Variants in LTBP1 observed in about 807,000 individuals in gnomAD.
LTBP1 encodes the protein latent-transforming growth factor beta-binding protein 1.
In LTBP1, 129 loss-of-function variants were observed where a neutral mutation model predicts 207.6. The observed-to-expected ratio is 0.62, with a 90% CI of 0.54 to 0.72. The LOEUF (loss-of-function observed/expected upper bound fraction) is 0.72, where lower values mean the gene tolerates loss of function less well. Among genes scored for constraint, LTBP1 ranks in the 30% least tolerant of loss-of-function variants. The pLI is 0.00. For synonymous variants in LTBP1, 963 were observed against 833.7 expected (o/e 1.16, Z -2.67); for missense variants, 2,281 against 2,217.2 (o/e 1.03, Z -0.58).
chr2:33,349,048 T>G (rs2094743414), intron 26 of LTBP1, among the ~76,000 whole-genome samples: 1 of 152,194 alleles, frequency 6.6e-6, no homozygotes, highest in Non-Finnish European at 1.5e-5. Flanking sequence ...AAGCCTTCTG[T>G]CTGATTTCAT....
intron 4 of LTBP1, among the ~76,000 whole-genome samples, chr2:33,125,553 C>T (rs1397046561): frequency 6.6e-6 from 1 of 152,060 alleles, no homozygotes; most frequent in African/African-American, 2.4e-5. Flanking sequence ...TCCAAACTGG[C>T]CGGGCACGGT....
At chr2:33,202,562 A>T (rs1449399508) in intron 7 of LTBP1, among the ~76,000 whole-genome samples, 1 of 152,236 alleles carries the variant, frequency 6.6e-6, no homozygotes, top group Non-Finnish European at 1.5e-5. Flanking sequence ...ATCCTGACAG[A>T]AGTAATGCCA....
At chr2:33,281,742 T>A (rs2093563058) in intron 19 of LTBP1, among the ~76,000 whole-genome samples, 2 of 152,186 alleles carry the variant, frequency 1.3e-5, no homozygotes, top group South Asian at 4.1e-4. Context: ...AGATTTTTAT[T>A]CATTAGTTTT....
At chr2:33,182,697 TATACACAC>T (rs752365902) in intron 5 of LTBP1, among the ~76,000 whole-genome samples, 4,132 of 87,868 alleles carry the variant, frequency 0.047, 880 homozygotes, top group Middle Eastern at 0.17. Flanking sequence ...GATATATATA[TATACACAC>T]ACACACACAC....
intron 3 of LTBP1, among the ~76,000 whole-genome samples, chr2:33,085,169 G>A (rs1354809894): frequency 2.6e-5 from 4 of 152,108 alleles, no homozygotes; most frequent in Non-Finnish European, 5.9e-5. Context: ...GAAGAGGCAA[G>A]GGATGATTCT....
chr2:33,145,737 G>GA (rs1011802482), intron 5 of LTBP1, among the ~76,000 whole-genome samples: 17 of 151,650 alleles, frequency 1.1e-4, no homozygotes, highest in African/African-American at 2.4e-4. Flanking sequence ...GTGTGGAAAT[G>GA]AAAAAAAATA....
chr2:33,155,288 A>G (rs900869444), intron 5 of LTBP1, among the ~76,000 whole-genome samples: 1 of 151,700 alleles, frequency 6.6e-6, no homozygotes, highest in African/African-American at 2.4e-5. Context: ...CTACTCTCGA[A>G]CTCCCGACCG....
chr2:33,147,437 G>A (rs1371256253), intron 5 of LTBP1, among the ~76,000 whole-genome samples: 1 of 152,110 alleles, frequency 6.6e-6, no homozygotes, highest in Non-Finnish European at 1.5e-5. Flanking sequence ...CCCACCTGTG[G>A]ATCACTCTGT....
chr2:33,188,603 A>G lies in LTBP1; in HGVS notation c.1453A>G (p.Ile485Val). Reference sequence around the variant, plus strand: ...GAAATTTCCTCCTAACATAGTCAATATCCATGTGAAACATCCTCCTGAAGC... The same window carrying G: ...GAAATTTCCTCCTAACATAGTCAATGTCCATGTGAAACATCCTCCTGAAGC... ...KVKFPPNIVN[I>V]HVKHPPEASV... Residue 485 changes from isoleucine (I) to valine (V), a missense_variant, in exon 7 of 34, where the codon ATC becomes GTC. This residue lies in a region of LTBP1 where 1,671 missense variants were observed against 1,634.8 expected (regional missense o/e 1.02). Transcript: ENST00000404816. The G allele has an allele frequency of 6.2e-7, 1 of 1,613,640 alleles. No homozygotes were observed. The highest frequency in any genetic ancestry group is 2.2e-5 in the East Asian group (1 of 44,882).
chr2:33,094,370 G>A (rs562286839), intron 3 of LTBP1, among the ~76,000 whole-genome samples: 1 of 152,252 alleles, frequency 6.6e-6, no homozygotes, highest in South Asian at 2.1e-4. Flanking sequence ...ATTGGAACAA[G>A]CAGTTGTCTC....
At chr2:33,391,682 G>A (rs917073001) in intron 32 of LTBP1, among the ~76,000 whole-genome samples, 1 of 152,156 alleles carries the variant, frequency 6.6e-6, no homozygotes, top group African/African-American at 2.4e-5. Flanking sequence ...GCACTGATGG[G>A]TCCTGAGAGT....
chr2:33,068,791 A>G (rs1558591033), intron 3 of LTBP1, among the ~76,000 whole-genome samples: 1 of 152,176 alleles, frequency 6.6e-6, no homozygotes. Flanking sequence ...TATTAATATT[A>G]TGTTTTGAAT....
chr2:33,038,822 T>A (rs1210473207), intron 3 of LTBP1, among the ~76,000 whole-genome samples: 1 of 152,156 alleles, frequency 6.6e-6, no homozygotes, highest in Non-Finnish European at 1.5e-5. Flanking sequence ...ACATGAGAAG[T>A]CTTAGGAAAA....
chr2:33,032,715 A>G (rs1558539085), intron 3 of LTBP1, among the ~76,000 whole-genome samples: 1 of 152,248 alleles, frequency 6.6e-6, no homozygotes. Flanking sequence ...ACTATTAATA[A>G]AGCAGTTTTT....
intron 3 of LTBP1, among the ~76,000 whole-genome samples, chr2:33,089,155 C>CAAAAAAAAAAAAAAAAAAAAA (rs61009791): frequency 4.1e-5 from 4 of 96,412 alleles, no homozygotes; most frequent in East Asian, 3.3e-4. Flanking sequence ...GACTCAGTCT[C>CAAAAAAAAAAAAAAAAAAAAA]AAAAAAAAAA....
At chr2:33,348,285 C>T (rs530693777) in intron 26 of LTBP1, among the ~76,000 whole-genome samples, 3 of 152,130 alleles carry the variant, frequency 2.0e-5, no homozygotes, top group African/African-American at 7.2e-5. Flanking sequence ...TACACTTGTT[C>T]TGTGTAAAAT....
At chr2:33,259,217 CT>C (rs2092946337) in intron 12 of LTBP1, among the ~76,000 whole-genome samples, 2 of 152,166 alleles carry the variant, frequency 1.3e-5, no homozygotes, top group Admixed American at 6.5e-5. Flanking sequence ...AAGGATAAAC[CT>C]TTAACCAATT....
intron 2 of LTBP1, among the ~76,000 whole-genome samples, chr2:33,002,339 C>T (rs1364118694): frequency 6.6e-6 from 1 of 152,050 alleles, no homozygotes; most frequent in African/African-American, 2.4e-5. Context: ...ATCTGTGAGA[C>T]GGTGGAAAGA....
At chr2:33,316,778 T>C (rs1266031376) in intron 24 of LTBP1, among the ~76,000 whole-genome samples, 1 of 152,174 alleles carries the variant, frequency 6.6e-6, no homozygotes, top group Non-Finnish European at 1.5e-5. Context: ...GAGATTACAG[T>C]ATTCCTCAGC....
Sources: gnomAD v4.1 joint callset for allele counts (sites outside exome capture counted in the v4.1 genomes callset) on GRCh38, gnomAD v4.1.1 for gene constraint, gnomAD v4.1.1 regional missense constraint, MANE v1.5 for transcripts, NCBI Gene and HGNC (gene_info 2026-07-23, HGNC 2026-07-21) for gene names.